Variants in CMTM8 observed in about 807,000 individuals in gnomAD.
CMTM8 encodes CKLF like MARVEL transmembrane domain containing 8.
In CMTM8, 12 loss-of-function variants were observed where a neutral mutation model predicts 18.6. That is an observed-to-expected ratio of 0.65 (90% confidence interval 0.41 to 1.05). CMTM8 has a LOEUF of 1.05. Among genes scored for constraint, CMTM8 ranks in the 50% least tolerant of loss-of-function variants. The probability of loss-of-function intolerance (pLI) is 0.00; values close to 1 mark genes in which losing one functional copy is unlikely to be tolerated. For synonymous variants in CMTM8, 87 were observed against 90.6 expected (o/e 0.96, Z 0.23); for missense variants, 217 against 227.2 (o/e 0.95, Z 0.29).
chr3:32,277,053 TTACTA>T (rs1702532091), intron 1 of CMTM8, among the ~76,000 whole-genome samples: 1 of 151,674 alleles, frequency 6.6e-6, no homozygotes, highest in South Asian at 2.1e-4. Flanking sequence ...CCCGGCTAAG[TTACTA>T]TTTTTTTTGT....
intron 2 of CMTM8, 149 bp from the exon 3 acceptor site, chr3:32,367,723 T>C (rs1174464834): frequency 1.7e-6 from 1 of 586,410 alleles, no homozygotes; most frequent in South Asian, 2.4e-5. Context: ...CACTTAGAGC[T>C]GCCTTCCCAC....
intron 1 of CMTM8, among the ~76,000 whole-genome samples, chr3:32,303,405 G>A (rs1241761223): frequency 1.3e-5 from 2 of 152,190 alleles, no homozygotes; most frequent in African/African-American, 2.4e-5. Flanking sequence ...AGTTCAGCTC[G>A]TTCTTAATGT....
intron 1 of CMTM8, among the ~76,000 whole-genome samples, chr3:32,338,194 G>A (rs1696425165): frequency 6.6e-6 from 1 of 151,902 alleles, no homozygotes; most frequent in South Asian, 2.1e-4. Context: ...ATGTTGGTTG[G>A]GATGGTCTCG....
intron 1 of CMTM8, among the ~76,000 whole-genome samples, chr3:32,255,740 G>A (rs558194674): frequency 6.2e-4 from 95 of 152,056 alleles, no homozygotes; most frequent in African/African-American, 2.2e-3. Context: ...TTTTGGAGGA[G>A]TGAGGACAGG....
chr3:32,304,476 TTTATTTGTATAG>T (rs1176277955), intron 1 of CMTM8, among the ~76,000 whole-genome samples: 3 of 152,256 alleles, frequency 2.0e-5, no homozygotes, highest in African/African-American at 7.2e-5. Flanking sequence ...CCATTGCTCC[TTTATTTGTATAG>T]TTACAAGAAA....
chr3:32,339,868 C>T (rs536502138), intron 1 of CMTM8, among the ~76,000 whole-genome samples: 3 of 152,110 alleles, frequency 2.0e-5, no homozygotes, highest in Non-Finnish European at 4.4e-5. Context: ...GAGGCTGAGG[C>T]AGGAGAATGG....
chr3:32,306,029 T>C (rs1051314162), intron 1 of CMTM8, among the ~76,000 whole-genome samples: 10 of 152,214 alleles, frequency 6.6e-5, no homozygotes, highest in African/African-American at 2.2e-4. Context: ...TAGCAGTTAG[T>C]ATGCTTTGTG....
At chr3:32,255,300 T>C (rs1702162498) in intron 1 of CMTM8, among the ~76,000 whole-genome samples, 1 of 152,216 alleles carries the variant, frequency 6.6e-6, no homozygotes, top group Non-Finnish European at 1.5e-5. Context: ...GTGGAACCGC[T>C]ATCATCATAT....
intron 1 of CMTM8, among the ~76,000 whole-genome samples, chr3:32,245,396 T>C (rs1701999639): frequency 6.6e-6 from 1 of 152,234 alleles, no homozygotes; most frequent in Non-Finnish European, 1.5e-5. Flanking sequence ...GCTGTGCCAA[T>C]GTAACATCAT....
At chr3:32,272,239 A>C (rs1702449670) in intron 1 of CMTM8, among the ~76,000 whole-genome samples, 1 of 152,166 alleles carries the variant, frequency 6.6e-6, no homozygotes, top group Non-Finnish European at 1.5e-5. Context: ...CTTTAGCTTT[A>C]AAAATTTTTT....
At chr3:32,363,666 C>G (rs3844585) in intron 2 of CMTM8, among the ~76,000 whole-genome samples, 3 of 152,074 alleles carry the variant, frequency 2.0e-5, no homozygotes, top group Non-Finnish European at 4.4e-5. Flanking sequence ...TCTCCTGTAT[C>G]CTGCAGCCCT....
At position 32,369,961 on chromosome 3, in the gene CMTM8, A is replaced by T; in HGVS notation, c.516A>T (p.Ile172=). 6.4e-7 allele frequency: 1 copy of T among 1,566,794 alleles called. No individual in the cohort carries two copies. The highest frequency in any genetic ancestry group is 1.3e-5 in the African/African-American group (1 of 74,242). ...FSFIAWRSRT[I]Q Reference sequence around the variant, plus strand: ...TTATAGCATGGAGATCCAGGACCATACAGTGATTTACCATTTTGATAATTA... The same window carrying T: ...TTATAGCATGGAGATCCAGGACCATTCAGTGATTTACCATTTTGATAATTA... Residue 172 remains isoleucine (I), a synonymous_variant, in exon 4 of 4, where the codon ATA becomes ATT. Transcript: ENST00000307526.
chr3:32,294,196 C>T (rs865929112), intron 1 of CMTM8, among the ~76,000 whole-genome samples: 1 of 152,140 alleles, frequency 6.6e-6, no homozygotes, highest in Non-Finnish European at 1.5e-5. Flanking sequence ...CCTTACATAT[C>T]GTGAACAAGG....
chr3:32,269,734 A>T (rs1702407679), intron 1 of CMTM8, among the ~76,000 whole-genome samples: 1 of 152,204 alleles, frequency 6.6e-6, no homozygotes, highest in Admixed American at 6.5e-5. Context: ...TTGTTTCACT[A>T]AAACTTTTTT....
intron 1 of CMTM8, among the ~76,000 whole-genome samples, chr3:32,294,038 T>G (rs1276764963): frequency 6.6e-6 from 1 of 151,828 alleles, no homozygotes; most frequent in African/African-American, 2.4e-5. Flanking sequence ...TCCATGAGAG[T>G]CGTGCCCTTT....
At chr3:32,311,711 T>C (rs554893453) in intron 1 of CMTM8, among the ~76,000 whole-genome samples, 4 of 152,290 alleles carry the variant, frequency 2.6e-5, no homozygotes, top group African/African-American at 9.6e-5. Context: ...CAACCGATTC[T>C]CCACCAGCTG....
intron 2 of CMTM8, among the ~76,000 whole-genome samples, chr3:32,365,286 A>T (rs1697008789): frequency 1.3e-5 from 2 of 150,742 alleles, no homozygotes; most frequent in Non-Finnish European, 3.0e-5. Context: ...GCTGGGTAAA[A>T]ATAAGCCGGT....
At chr3:32,239,258 C>A in intron 1 of CMTM8, 139 bp downstream of exon 1, 1 of 936,382 alleles carries the variant, frequency 1.1e-6, no homozygotes, top group South Asian at 1.8e-5. Context: ...TCGCCTTCTT[C>A]CCAAAGTGAA....
chr3:32,292,219 C>T (rs1314518548), intron 1 of CMTM8, among the ~76,000 whole-genome samples: 1 of 152,180 alleles, frequency 6.6e-6, no homozygotes, highest in Non-Finnish European at 1.5e-5. Context: ...ATCCACGCCA[C>T]CTTGGATTGT....
Sources: allele counts gnomAD v4.1 joint callset (sites outside exome capture counted in the v4.1 genomes callset), GRCh38; gene constraint gnomAD v4.1.1; transcripts MANE v1.5; gene names NCBI Gene and HGNC (gene_info 2026-07-23, HGNC 2026-07-21).